Variants in FRAS1 observed in about 807,000 individuals in gnomAD.
The protein encoded by FRAS1 is Fraser extracellular matrix complex subunit 1.
FRAS1 carries 290 observed loss-of-function variants against 435.2 expected under a neutral mutation model. The observed-to-expected ratio is 0.67, with a 90% CI of 0.61 to 0.73. The LOEUF is 0.73. FRAS1 is among the 30% of genes least tolerant of loss of function. FRAS1 has a pLI of 0.00. For synonymous variants in FRAS1, 1,800 were observed against 1,851.0 expected (o/e 0.97, Z 0.71); for missense variants, 4,860 against 5,001.5 (o/e 0.97, Z 0.85).
In FRAS1 at chr4:78,479,496, C is replaced by T. The variant is rs184784250; in HGVS notation, c.8221C>T (p.Arg2741Cys). 15 of 1,612,942 alleles carry T rather than the reference C, an allele frequency of 9.3e-6. No homozygotes were observed. The highest frequency in any genetic ancestry group is 1.2e-5 in the Non-Finnish European group (14 of 1,179,156). Reference protein sequence around the residue: ...FKSRGMSAASRVIFGPGVTMS... With the variant: ...FKSRGMSAASCVIFGPGVTMS... ...ATCTAGAGGGATGTCTGCCGCGAGT[C>T]GTGTGATATTCGGGCCTGGTGTGAC... The change falls in exon 56 of 74, where the codon CGT (arginine) becomes TGT (cysteine). Residue 2741 changes from arginine to cysteine, a missense_variant. By Grantham distance (180) the Arg-to-Cys change is radical (BLOSUM62 -3). Coordinates refer to ENST00000512123, the MANE Select transcript of FRAS1 (RefSeq NM_025074.7).
In FRAS1 at chr4:78,473,594, C is replaced by A. The variant is rs746273836; in HGVS notation, c.7679C>A (p.Thr2560Asn). The A allele has an allele frequency of 3.1e-5, 49 of 1,583,918 alleles. No individual in the cohort carries two copies. Among genetic ancestry groups the A allele is most frequent in the Non-Finnish European group, 4.0e-5 (47 of 1,163,220 alleles). Reference protein sequence around the residue: ...IQWSLISFKYTSYNVSEKAGS... With the variant: ...IQWSLISFKYNSYNVSEKAGS... ...TGGTCACTCATCAGCTTTAAATATACCAGGTACAAGTTTTACTGTGCTTTC... is the reference window on the plus strand; with the variant it reads ...TGGTCACTCATCAGCTTTAAATATAACAGGTACAAGTTTTACTGTGCTTTC... Residue 2560 changes from threonine to asparagine, a missense_variant, in exon 53 of 74, where the codon ACC becomes AAC. Physicochemically the swap from Thr to Asn is moderately conservative, Grantham distance 65. Transcript: ENST00000512123.
At chr4:78,147,913 G>A (rs554002962) in intron 2 of FRAS1, among the ~76,000 whole-genome samples, 2 of 152,162 alleles carry the variant, frequency 1.3e-5, no homozygotes, top group Non-Finnish European at 1.5e-5. Flanking sequence ...TGGGTTGTGA[G>A]TTTCTGGAAA....
chr4:78,370,274 G>A (rs1036319156), intron 23 of FRAS1, among the ~76,000 whole-genome samples: 46 of 152,278 alleles, frequency 3.0e-4, no homozygotes, highest in African/African-American at 1.1e-3. Context: ...CCATAGACAT[G>A]TTTTCTTTGT....
intron 14 of FRAS1, among the ~76,000 whole-genome samples, chr4:78,294,117 T>A (rs1365473140): frequency 1.3e-5 from 2 of 152,130 alleles, no homozygotes; most frequent in Admixed American, 6.6e-5. Context: ...TCTTCTCCAT[T>A]CCCCACCCAA....
chr4:78,126,157 C>T (rs1298705110), intron 2 of FRAS1, among the ~76,000 whole-genome samples: 3 of 152,202 alleles, frequency 2.0e-5, no homozygotes, highest in East Asian at 1.9e-4. Flanking sequence ...TGATCTCAGA[C>T]TGCTGCACTA....
At position 78,466,397 on chromosome 4, in the gene FRAS1, A is replaced by T. The variant is rs886059634; in HGVS notation, c.7219A>T (p.Thr2407Ser). Residue 2407 changes from threonine (T) to serine (S), a missense_variant, in exon 50 of 74, where the codon ACA becomes TCA. Coordinates refer to ENST00000512123, the MANE Select transcript of FRAS1 (RefSeq NM_025074.7). ...GTTCACCTTCACTGTTTCTGATGGGACAAACCCCTTCTTTATCATTGAGGA... is the reference window on the plus strand; with the variant it reads ...GTTCACCTTCACTGTTTCTGATGGGTCAAACCCCTTCTTTATCATTGAGGA... Reference protein sequence around the residue: ...DRFTFTVSDGTNPFFIIEEGG... With the variant: ...DRFTFTVSDGSNPFFIIEEGG... The T allele has an allele frequency of 1.9e-6, 3 of 1,613,930 alleles. No individual in the cohort carries two copies. Among genetic ancestry groups the T allele is most frequent in the Non-Finnish European group, 1.7e-6 (2 of 1,179,840 alleles).
intron 32 of FRAS1, among the ~76,000 whole-genome samples, chr4:78,415,554 TG>T (rs1002523673): frequency 6.6e-6 from 1 of 151,914 alleles, no homozygotes; most frequent in African/African-American, 2.4e-5. Context: ...CAGACTAAAC[TG>T]GGGGGAATGT....
At chr4:78,319,634 A>T (rs950033434) in intron 18 of FRAS1, 11 of 287,232 alleles carry the variant, frequency 3.8e-5, no homozygotes, top group African/African-American at 1.5e-4. Flanking sequence ...CATTAAAAAA[A>T]TTTTATAATA....
intron 2 of FRAS1, among the ~76,000 whole-genome samples, chr4:78,136,419 T>G (rs567298952): frequency 1.3e-5 from 2 of 152,292 alleles, no homozygotes; most frequent in East Asian, 3.9e-4. Context: ...ACAAATAAAT[T>G]GTGGCCACTA....
chr4:78,198,934 C>G lies in FRAS1; in HGVS notation c.109-38576C>G, dbSNP rs377009298. On this transcript the variant is annotated intron_variant, in intron 2 of 73. Transcript: ENST00000512123. ...AACATACAAAACATGTGTTAATTGA[C>G]TGTTTATATTATCAGTAAGATGTCC... 7.9e-5 allele frequency among the ~76,000 whole-genome samples: 12 copies of G among 152,196 alleles called. No homozygotes were observed. In the East Asian group the frequency reaches 1.9e-3, roughly 24 times the overall value.
At chr4:78,109,570 C>A (rs1344887935) in intron 2 of FRAS1, among the ~76,000 whole-genome samples, 1 of 123,282 alleles carries the variant, frequency 8.1e-6, no homozygotes, top group African/African-American at 3.2e-5. Flanking sequence ...TAAAAACTCT[C>A]AATAAATTAG....
intron 14 of FRAS1, among the ~76,000 whole-genome samples, chr4:78,304,744 ATTC>A (rs901310551): frequency 6.6e-6 from 1 of 151,510 alleles, no homozygotes; most frequent in African/African-American, 2.4e-5. Flanking sequence ...CATCTATTTG[ATTC>A]TTCTTTTTTT....
At chr4:78,118,000 G>A (rs1436034380) in intron 2 of FRAS1, among the ~76,000 whole-genome samples, 2 of 152,172 alleles carry the variant, frequency 1.3e-5, no homozygotes, top group African/African-American at 4.8e-5. Context: ...ACGAACAGAT[G>A]GGGTTTTGGT....
chr4:78,151,019 T>A (rs1720634967), intron 2 of FRAS1, among the ~76,000 whole-genome samples: 1 of 152,164 alleles, frequency 6.6e-6, no homozygotes, highest in Non-Finnish European at 1.5e-5. Context: ...TCTAGGGGAT[T>A]CCACTGAGTC....
rs866627357 is a variant in FRAS1, at chr4:78,193,555, T to G, written c.109-43955T>G. The stretch of plus-strand genomic sequence containing the variant: ...CTTCTGTGTCTCTTTTGATCTTTCT[T>G]GGTTTAAAGTCTGTTTTATCAGAGA... On this transcript the variant is annotated intron_variant, in intron 2 of 73. Coordinates refer to ENST00000512123, the MANE Select transcript of FRAS1 (RefSeq NM_025074.7). 2.0e-5 allele frequency among the ~76,000 whole-genome samples: 3 copies of G among 152,196 alleles called. No individual in the cohort carries two copies. In the South Asian group the frequency reaches 6.2e-4, roughly 32 times the overall value.
intron 2 of FRAS1, among the ~76,000 whole-genome samples, chr4:78,150,702 T>G (rs1007430973): frequency 6.6e-6 from 1 of 152,202 alleles, no homozygotes; most frequent in African/African-American, 2.4e-5. Context: ...GGAAACTAGC[T>G]TGTAAAGACA....
At chr4:78,427,460 T>C (rs1734041477) in intron 35 of FRAS1, among the ~76,000 whole-genome samples, 1 of 152,196 alleles carries the variant, frequency 6.6e-6, no homozygotes, top group Non-Finnish European at 1.5e-5. Context: ...AAAACTAATG[T>C]AAAATATAAA....
At chr4:78,443,630 C>G (rs567093115) in intron 41 of FRAS1, among the ~76,000 whole-genome samples, 1 of 152,150 alleles carries the variant, frequency 6.6e-6, no homozygotes, top group East Asian at 1.9e-4. Flanking sequence ...CGCATCAACA[C>G]CTATTTAATT....
In FRAS1 at chr4:78,315,575, GT is replaced by G; in HGVS notation, c.1679-13del. On this transcript the variant is annotated intron_variant, in intron 15 of 73. Transcript: ENST00000512123. ...GCTCACTATTGCCTTTCTCTGATGG[GT>G]TTTTTGCCTCCCCTTAGCTTGTGAC... 6.3e-7 allele frequency: 1 copy of G among 1,597,868 alleles called. No individual in the cohort carries two copies. The highest frequency in any genetic ancestry group is 1.7e-5 in the Admixed American group (1 of 57,954).
Sources: allele counts gnomAD v4.1 joint callset (sites outside exome capture counted in the v4.1 genomes callset), GRCh38; gene constraint gnomAD v4.1.1; transcripts MANE v1.5; gene names NCBI Gene and HGNC (gene_info 2026-07-23, HGNC 2026-07-21).